GTF2IRD1: variants seen among roughly 807,000 people sequenced by gnomAD.
The protein encoded by GTF2IRD1 is GTF2I repeat domain containing 1.
In GTF2IRD1, 26 loss-of-function variants were observed where a neutral mutation model predicts 113.2. The observed-to-expected ratio is 0.23, with a 90% CI of 0.17 to 0.32. The LOEUF is 0.32. GTF2IRD1 is among the 10% of genes least tolerant of loss of function. The pLI is 1.00. For missense variants in GTF2IRD1, 864 were observed against 1,280.8 expected (o/e 0.67, Z 4.97); for synonymous variants, 484 against 529.1 (o/e 0.91, Z 1.17).
intron 22 of GTF2IRD1, among the ~76,000 whole-genome samples, chr7:74,568,374 C>T (rs1454787806): frequency 2.9e-5 from 4 of 139,646 alleles, no homozygotes; most frequent in Non-Finnish European, 3.1e-5. Context: ...AAGGGCCGGG[C>T]GTGGTGGCTC....
At position 74,547,071 on chromosome 7, in the gene GTF2IRD1, C is replaced by T. The variant is rs374091221; in HGVS notation, c.1733-32C>T. On this transcript the variant is annotated intron_variant, in intron 16 of 26. Coordinates refer to ENST00000424337, the MANE Select transcript of GTF2IRD1 (RefSeq NM_005685.4). The stretch of plus-strand genomic sequence containing the variant: ...GTTGAGGCTCCTGGCCCTGTGGCAC[C>T]GGGTGGCCCTACAGCAGCCATGTCT... The T allele has an allele frequency of 2.9e-5, 46 of 1,593,688 alleles. No individual in the cohort carries two copies. In the African/African-American group the frequency reaches 4.0e-4, roughly 14 times the overall value.
At chr7:74,566,777 T>C (rs1800345195) in intron 22 of GTF2IRD1, among the ~76,000 whole-genome samples, 1 of 152,234 alleles carries the variant, frequency 6.6e-6, no homozygotes, top group South Asian at 2.1e-4. Flanking sequence ...AGTAGTGTGG[T>C]AGAGATTTGA....
chr7:74,485,127 A>G (rs1409964291), intron 1 of GTF2IRD1, among the ~76,000 whole-genome samples: 1 of 152,064 alleles, frequency 6.6e-6, no homozygotes, highest in Non-Finnish European at 1.5e-5. Flanking sequence ...GGGTGCAGGA[A>G]AGAGGCTTGT....
At chr7:74,541,360 T>C (rs1280320061) in intron 14 of GTF2IRD1, among the ~76,000 whole-genome samples, 1 of 151,834 alleles carries the variant, frequency 6.6e-6, no homozygotes, top group African/African-American at 2.4e-5. Flanking sequence ...ACACAGTGTC[T>C]CACAGCTATA....
At chr7:74,516,610 T>A (rs1409153652) in intron 4 of GTF2IRD1, among the ~76,000 whole-genome samples, 1 of 152,202 alleles carries the variant, frequency 6.6e-6, no homozygotes, top group Non-Finnish European at 1.5e-5. Flanking sequence ...TTTGGTTTTA[T>A]GGAGCAAAGG....
At chr7:74,533,309 A>G (rs1343599648) in intron 9 of GTF2IRD1, among the ~76,000 whole-genome samples, 1 of 151,700 alleles carries the variant, frequency 6.6e-6, no homozygotes, top group Non-Finnish European at 1.5e-5. Context: ...TAGTTTTTGT[A>G]TTTTTAGTAG....
At chr7:74,583,386 T>C (rs1311951032) in intron 22 of GTF2IRD1, among the ~76,000 whole-genome samples, 2 of 149,610 alleles carry the variant, frequency 1.3e-5, no homozygotes, top group Non-Finnish European at 3.0e-5. Flanking sequence ...TTTTTTTTTT[T>C]TTTTGTGGAG....
At chr7:74,509,080 A>G (rs1186816025) in intron 2 of GTF2IRD1, among the ~76,000 whole-genome samples, 1 of 152,036 alleles carries the variant, frequency 6.6e-6, no homozygotes, top group Admixed American at 6.6e-5. Context: ...AATCTGGCCC[A>G]GCACGGTGGC....
At chr7:74,492,841 C>G (rs1159680289) in intron 1 of GTF2IRD1, among the ~76,000 whole-genome samples, 2 of 152,068 alleles carry the variant, frequency 1.3e-5, no homozygotes, top group African/African-American at 4.8e-5. Flanking sequence ...GTGGCCGCAT[C>G]ACTCCAGTCT....
At chr7:74,496,178 CATGT>C (rs1362881195) in intron 1 of GTF2IRD1, among the ~76,000 whole-genome samples, 1 of 151,296 alleles carries the variant, frequency 6.6e-6, no homozygotes. Flanking sequence ...TGTGTGTATG[CATGT>C]GAGTGGCTAT....
intron 22 of GTF2IRD1, among the ~76,000 whole-genome samples, chr7:74,579,891 G>A (rs1447006524): frequency 6.6e-6 from 1 of 152,162 alleles, no homozygotes; most frequent in African/African-American, 2.4e-5. Context: ...CCTGCATACA[G>A]TGGGGAAAAG....
chr7:74,519,832 G>A (rs938341554), intron 6 of GTF2IRD1, 113 bp downstream of exon 6: 6 of 726,272 alleles, frequency 8.3e-6, no homozygotes, highest in Non-Finnish European at 1.4e-5. Context: ...GTTGGAAGGA[G>A]CCATGTCTGG....
intron 1 of GTF2IRD1, among the ~76,000 whole-genome samples, chr7:74,465,681 A>G (rs1356873788): frequency 6.6e-6 from 1 of 152,028 alleles, no homozygotes; most frequent in Non-Finnish European, 1.5e-5. Flanking sequence ...CTTGGACCCC[A>G]TCATTCCAAG....
rs1169687709 is a variant in GTF2IRD1, at chr7:74,484,007, T to C, written c.-6-24068T>C. ...GTAGATACAGCCAGAGTCTCCCAGGTGCAAAGACCCTCTGAGAGGCCTTGA... is the reference window on the plus strand; with the variant it reads ...GTAGATACAGCCAGAGTCTCCCAGGCGCAAAGACCCTCTGAGAGGCCTTGA... On this transcript the variant is annotated intron_variant, in intron 1 of 26. Transcript: ENST00000424337. Among the ~76,000 whole-genome samples the C allele has an allele frequency of 2.6e-5, 4 of 152,230 alleles. No homozygotes were observed. The East Asian group carries it at 7.7e-4, about 29-fold the overall frequency.
At chr7:74,593,413 TAAAAAAA>T (rs1176932203) in intron 24 of GTF2IRD1, among the ~76,000 whole-genome samples, 33 of 49,270 alleles carry the variant, frequency 6.7e-4, no homozygotes, top group African/African-American at 3.0e-3. Flanking sequence ...TCATCTCTAC[TAAAAAAA>T]AAAAAAAAAA....
chr7:74,467,084 G>A (rs1321585518), intron 1 of GTF2IRD1, among the ~76,000 whole-genome samples: 1 of 151,908 alleles, frequency 6.6e-6, no homozygotes, highest in Non-Finnish European at 1.5e-5. Flanking sequence ...CAGTAGCTGG[G>A]ACCACATGCA....
chr7:74,477,231 G>A (rs1554333708), intron 1 of GTF2IRD1, among the ~76,000 whole-genome samples: 1 of 152,114 alleles, frequency 6.6e-6, no homozygotes, highest in East Asian at 1.9e-4. Context: ...ACACATGCCA[G>A]TGCGCACCTG....
intron 14 of GTF2IRD1, among the ~76,000 whole-genome samples, chr7:74,540,230 T>C (rs1798554876): frequency 6.6e-6 from 1 of 152,124 alleles, no homozygotes; most frequent in African/African-American, 2.4e-5. Flanking sequence ...CACCGCAACC[T>C]CTGCCTCCCA....
chr7:74,568,836 C>A (rs1251108397), intron 22 of GTF2IRD1, among the ~76,000 whole-genome samples: 1 of 150,338 alleles, frequency 6.7e-6, no homozygotes, highest in Non-Finnish European at 1.5e-5. Flanking sequence ...AGAGGGAGGG[C>A]TGGAAGGAGG....
Sources: gnomAD v4.1 joint callset for allele counts (sites outside exome capture counted in the v4.1 genomes callset) on GRCh38, gnomAD v4.1.1 for gene constraint, MANE v1.5 for transcripts, NCBI Gene and HGNC (gene_info 2026-07-23, HGNC 2026-07-21) for gene names.